MYH6: variants seen among roughly 807,000 people sequenced by gnomAD.
The protein encoded by MYH6 is myosin-6.
In MYH6, 126 loss-of-function variants were observed where a neutral mutation model predicts 223.2. The observed-to-expected ratio is 0.56, with a 90% CI of 0.49 to 0.65. The LOEUF is 0.65. Ranked by LOEUF, MYH6 falls within the 30% of genes least tolerant of loss-of-function variation. The pLI, the probability that MYH6 is intolerant of heterozygous loss-of-function variation, is 0.00. For synonymous variants in MYH6, 978 were observed against 1,010.2 expected (o/e 0.97, Z 0.61); for missense variants, 2,040 against 2,536.4 (o/e 0.80, Z 4.20).
Position 23,400,317 on chromosome 14 carries a change from A to G in MYH6, c.1520T>C (p.Ile507Thr), listed in dbSNP as rs188023690. ...LEQEEYKKEG[I>T]EWTFIDFGMD... ...GCCAAAGTCAATGAATGTCCACTCAATGCCCTCCTTCTTGTACTCCTCCTG... is the reference window on the plus strand; with the variant it reads ...GCCAAAGTCAATGAATGTCCACTCAGTGCCCTCCTTCTTGTACTCCTCCTG... Residue 507 changes from isoleucine (I) to threonine (T), a missense_variant, in exon 14 of 39, where the codon ATT becomes ACT. By Grantham distance (89) the Ile-to-Thr change is moderately conservative (BLOSUM62 -1). Coordinates refer to ENST00000405093, the MANE Select transcript of MYH6 (RefSeq NM_002471.4). 17 of 1,614,182 alleles carry G rather than the reference A, an allele frequency of 1.1e-5. No individual in the cohort carries two copies. Among genetic ancestry groups the G allele is most frequent in the South Asian group, 7.7e-5 (7 of 91,080 alleles).
At position 23,389,319 on chromosome 14, in the gene MYH6, C is replaced by T. The variant is rs1243639857; in HGVS notation, c.3978+74G>A. 5.9e-6 allele frequency: 9 copies of T among 1,518,080 alleles called. No individual in the cohort carries two copies. In the Admixed American group the frequency reaches 8.4e-5, roughly 14 times the overall value. 94.0% of individuals were successfully genotyped at this position (1,518,080 alleles called of 1,614,324 possible). On this transcript the variant is annotated intron_variant, in intron 28 of 38. Coordinates refer to ENST00000405093, the MANE Select transcript of MYH6 (RefSeq NM_002471.4). The stretch of plus-strand genomic sequence containing the variant: ...GCAGAGGACTCTTTCCAGCTCCAGG[C>T]TCCATTTCTGGCACTGAGATGAATT...
At chr14:23,390,603 T>C (rs1056014675) in intron 25 of MYH6, among the ~76,000 whole-genome samples, 157 bp from the exon 26 acceptor site, 4 of 152,110 alleles carry the variant, frequency 2.6e-5, no homozygotes, top group African/African-American at 9.7e-5. Context: ...AATGTCTGAT[T>C]GTCATGTCTT....
chr14:23,385,158 C>T (rs989299349), intron 34 of MYH6, 117 bp from the exon 35 acceptor site: 6 of 1,272,584 alleles, frequency 4.7e-6, no homozygotes, highest in Non-Finnish European at 6.7e-6. Context: ...AACAAGCCCA[C>T]TTTTAGACTA....
chr14:23,385,832 C>T, intron 34 of MYH6, 96 bp downstream of exon 34: 1 of 1,548,462 alleles, frequency 6.5e-7, no homozygotes, highest in Non-Finnish European at 8.9e-7. Flanking sequence ...ATTTGTGACC[C>T]TGGCTAGATG....
chr14:23,407,098 G>A lies in MYH6; in HGVS notation c.126C>T (p.Asp42=), dbSNP rs774279009. Residue 42 remains aspartate, a synonymous_variant, in exon 3 of 39, where the codon GAC becomes GAT. Transcript: ENST00000405093. This position sits in a 1 kb window ranked among gnomAD's most constrained non-coding sequence, Gnocchi z 5.6. ...TCTTGGCTTTGACAAACTCTTCCTT[G>A]TCATCGGGCACGAAGCACTCAGTGC... ...DIRTECFVPD[D]KEEFVKAKIL... 1.2e-6 allele frequency: 2 copies of A among 1,614,184 alleles called. No homozygotes were observed. Among genetic ancestry groups the A allele is most frequent in the South Asian group, 1.1e-5 (1 of 91,080 alleles).
rs183078240 is a variant in MYH6 at position 23,400,092 on chromosome 14, G to T, written c.1581+164C>A. 6.7e-6 allele frequency: 7 copies of T among 1,044,816 alleles called. No homozygotes were observed. In the Admixed American group the frequency reaches 1.4e-4, roughly 21 times the overall value. The allele number at this position is 1,044,816 out of a possible 1,614,324, so 64.7% of individuals were successfully genotyped here. A position where few individuals can be genotyped will look rare whatever the true frequency, so the allele number is the denominator to read the frequency against. ...AGGTCCTGGGAAAGGAAGAGTGGGG[G>T]GATCATCCTGTTCATGCCCATGACT... is the stretch of plus-strand genomic sequence containing the variant. On this transcript the variant is annotated intron_variant, in intron 14 of 38. Transcript: ENST00000405093.
At chr14:23,396,493 G>A (rs1321060838) in intron 19 of MYH6, 73 bp from the exon 20 acceptor site, 1 of 1,590,108 alleles carries the variant, frequency 6.3e-7, no homozygotes, top group African/African-American at 1.3e-5. Flanking sequence ...CCCTGGATGA[G>A]CTCCCAGGTG....
chr14:23,403,240 C>T, intron 10 of MYH6, 108 bp downstream of exon 10: 1 of 937,276 alleles, frequency 1.1e-6, no homozygotes, highest in Non-Finnish European at 1.8e-6. Context: ...GGGAAGTGAG[C>T]AGCAAGGTGG....
chr14:23,387,981 G>T, intron 30 of MYH6, 58 bp from the exon 31 acceptor site: 1 of 1,608,284 alleles, frequency 6.2e-7, no homozygotes, highest in Non-Finnish European at 8.5e-7. Context: ...CAGCCCTCCT[G>T]CTTCCCAGTG....
At chr14:23,403,936 C>A (rs961084914) in intron 8 of MYH6, among the ~76,000 whole-genome samples, 158 bp from the exon 9 acceptor site, 1 of 152,148 alleles carries the variant, frequency 6.6e-6, no homozygotes, top group Non-Finnish European at 1.5e-5. Context: ...AGGATGCCAC[C>A]CTCACACACT....
chr14:23,396,076 T>C (rs1290308897), intron 20 of MYH6, among the ~76,000 whole-genome samples: 1 of 151,766 alleles, frequency 6.6e-6, no homozygotes, highest in Non-Finnish European at 1.5e-5. Context: ...GTGTCTTAAT[T>C]TGCATTTTCC....
rs536509931 is a variant in MYH6 at position 23,388,471 on chromosome 14, G to C, written c.4176-133C>G. On this transcript the variant is annotated intron_variant, in intron 29 of 38. Transcript: ENST00000405093. The stretch of plus-strand genomic sequence containing the variant: ...GTCCAGCCTAGCAGGAGCTGAGCCT[G>C]CTCATGCCTGGAACAGAGTCCGCCA... 49 of 1,415,530 alleles carry C rather than the reference G, an allele frequency of 3.5e-5. No homozygotes were observed. The South Asian group carries it at 5.6e-4, about 16-fold the overall frequency. 87.7% of individuals were successfully genotyped at this position (1,415,530 alleles called of 1,614,324 possible).
chr14:23,396,529 G>A, intron 19 of MYH6, 109 bp from the exon 20 acceptor site: 2 of 1,565,830 alleles, frequency 1.3e-6, no homozygotes, highest in Non-Finnish European at 1.7e-6. Flanking sequence ...CCTTCTAGAA[G>A]TAAGAGTAAA....
chr14:23,397,542 C>T lies in MYH6; in HGVS notation c.1962+1G>A, dbSNP rs1301637160. The T allele has an allele frequency of 1.2e-6, 2 of 1,614,166 alleles. No individual in the cohort carries two copies. The highest frequency in any genetic ancestry group is 1.7e-6 in the Non-Finnish European group (2 of 1,180,018). ...TCCTGGCACCCCTGGGCCCTTCTTACCCGGTGGAGAGCCGACACCGTCTGG... is the reference window on the plus strand; with the variant it reads ...TCCTGGCACCCCTGGGCCCTTCTTATCCGGTGGAGAGCCGACACCGTCTGG... On this transcript the variant is annotated splice_donor_variant, in intron 16 of 38. Coordinates refer to ENST00000405093, the MANE Select transcript of MYH6 (RefSeq NM_002471.4). LOFTEE classifies it high-confidence loss of function.
intron 13 of MYH6, 57 bp downstream of exon 13, chr14:23,400,652 G>C: frequency 6.2e-7 from 1 of 1,613,680 alleles, no homozygotes; most frequent in Admixed American, 1.7e-5. Context: ...GCAAATGGCT[G>C]TTGAATGTAG....
Position 23,403,342 on chromosome 14 carries a change from G to A in MYH6, c.898+6C>T, listed in dbSNP as rs370158816. 1.9e-5 allele frequency: 30 copies of A among 1,612,390 alleles called. No homozygotes were observed. In the African/African-American group the frequency reaches 3.7e-4, roughly 20 times the overall value. On this transcript the variant is annotated splice_donor_region_variant and intron_variant, in intron 10 of 38. Coordinates refer to ENST00000405093, the MANE Select transcript of MYH6 (RefSeq NM_002471.4). ...GCAGTGGGTGGGGGGTGGCAGGCAG[G>A]TTCACCCAGCAACTCCGGCTTCTTG...
chr14:23,404,161 C>G (rs1891700753), intron 8 of MYH6, 135 bp downstream of exon 8: 1 of 1,129,550 alleles, frequency 8.9e-7, no homozygotes, highest in Non-Finnish European at 1.3e-6. Flanking sequence ...AAAGCCTATG[C>G]TCTCTTCCCA....
rs1891456886 is a variant in MYH6, at chr14:23,397,937, CTTCTTCTTCTTCTTCTTCTTCTTCT to C, written c.1892-349_1892-325del. Among the ~76,000 whole-genome samples the C allele has an allele frequency of 1.6e-3, 96 of 60,510 alleles. 1 individual carries two copies. The highest frequency in any genetic ancestry group is 3.7e-3 in the African/African-American group (57 of 15,406). 39.7% of individuals were successfully genotyped at this position (60,510 alleles called of 152,430 possible). Reference sequence around the variant, plus strand: ...TCCTCCTCCTCCTCCTCCTCCTCTTCTTCTTCTTCTTCTTCTTCTTCTTCTTCTTCTTCTTCTTCTTCTTCTTCTT... The same window carrying C: ...TCCTCCTCCTCCTCCTCCTCCTCTTCTCTTCTTCTTCTTCTTCTTCTTCTT... On this transcript the variant is annotated intron_variant, in intron 15 of 38. Transcript: ENST00000405093.
chr14:23,386,243 T>G, intron 33 of MYH6, 72 bp downstream of exon 33: 1 of 1,611,898 alleles, frequency 6.2e-7, no homozygotes. Context: ...CTGGTGCCTG[T>G]ATCCAGACAC....
Sources: allele counts gnomAD v4.1 joint callset (sites outside exome capture counted in the v4.1 genomes callset), GRCh38; gene constraint gnomAD v4.1.1; non-coding constraint Gnocchi (gnomAD v3.1); transcripts MANE v1.5; gene names NCBI Gene and HGNC (gene_info 2026-07-23, HGNC 2026-07-21).